SUN1: variants seen among roughly 807,000 people sequenced by gnomAD.
SUN1 encodes the protein Sad1 and UNC84 domain containing 1, also known as SUN domain-containing protein 1.
A neutral mutation model predicts 103.2 loss-of-function variants in SUN1; 61 were observed. The ratio of observed to expected loss-of-function variants is 0.59; its 90% CI spans 0.48 to 0.73. SUN1 has a LOEUF of 0.73. SUN1 is among the 30% of genes least tolerant of loss of function. SUN1 has a pLI of 0.00. For synonymous variants in SUN1, 490 were observed against 425.7 expected, an observed-to-expected ratio of 1.15 and a Z score of -1.86; for missense variants, 1,052 against 1,034.6, an observed-to-expected ratio of 1.02 and a Z score of -0.23.
chr7:869,066 C>T (rs1839528118), intron 16 of SUN1: 1 of 415,906 alleles, frequency 2.4e-6, no homozygotes, highest in Non-Finnish European at 4.4e-6. Flanking sequence ...GACCAAGGAC[C>T]ATTGACCTTC....
At chr7:864,775 C>T (rs1050491920) in intron 15 of SUN1, among the ~76,000 whole-genome samples, 10 of 89,812 alleles carry the variant, frequency 1.1e-4, no homozygotes, top group South Asian at 4.2e-4. Context: ...ACTACAGGGG[C>T]GCGTCACCAC....
intron 15 of SUN1, 40 bp downstream of exon 15, chr7:861,504 A>G (rs753234183): frequency 6.2e-7 from 1 of 1,606,724 alleles, no homozygotes; most frequent in East Asian, 2.2e-5. Context: ...TTAGATGATC[A>G]CCTGTTAGCA....
At chr7:835,582 G>GT (rs1802268204) in intron 1 of SUN1, among the ~76,000 whole-genome samples, 1 of 152,090 alleles carries the variant, frequency 6.6e-6, no homozygotes, top group African/African-American at 2.4e-5. Flanking sequence ...TTGTCAACTG[G>GT]TAGTTAAGTC....
In SUN1 at chr7:842,137, C is replaced by T. The variant is rs764595368; in HGVS notation, c.451+7C>T. 27 of 1,606,538 alleles carry T rather than the reference C, an allele frequency of 1.7e-5. No individual in the cohort carries two copies. The highest frequency in any genetic ancestry group is 3.3e-4 in the Middle Eastern group (2 of 6,064). The stretch of plus-strand genomic sequence containing the variant: ...ACAGTGGACCACTTCTGGGGTGAGT[C>T]CCTGCGAGACACAGATTGTCCCGCC... On this transcript the variant is annotated splice_region_variant and intron_variant, in intron 3 of 18. Transcript: ENST00000401592.
intron 17 of SUN1, among the ~76,000 whole-genome samples, chr7:871,468 A>G (rs1190001725): frequency 2.6e-5 from 4 of 152,010 alleles, no homozygotes; most frequent in Non-Finnish European, 5.9e-5. Flanking sequence ...GTTCACTGCA[A>G]TGTCCGCCTC....
intron 13 of SUN1, among the ~76,000 whole-genome samples, chr7:859,460 C>G (rs953497011): frequency 6.6e-6 from 1 of 152,162 alleles, no homozygotes; most frequent in Non-Finnish European, 1.5e-5. Flanking sequence ...ACAGAGGCCA[C>G]ACAGGCAGGA....
intron 3 of SUN1, chr7:842,684 G>C (rs529677606): frequency 5.2e-6 from 1 of 191,136 alleles, no homozygotes; most frequent in African/African-American, 2.4e-5. Flanking sequence ...GCATGGAGAG[G>C]GAAGCATGGT....
At chr7:842,374 G>A (rs1584559629) in intron 3 of SUN1, 12 of 532,180 alleles carry the variant, frequency 2.3e-5, no homozygotes, top group South Asian at 5.0e-5. Context: ...GCGCCTTGTC[G>A]GGTGGTCATT....
At chr7:839,118 C>A in intron 2 of SUN1, 132 bp downstream of exon 2, 3 of 862,052 alleles carry the variant, frequency 3.5e-6, no homozygotes, top group Non-Finnish European at 4.9e-6. Flanking sequence ...CGTGTACAGA[C>A]ACACAAACCT....
At chr7:855,190 G>A (rs1279449348) in intron 11 of SUN1, among the ~76,000 whole-genome samples, 184 bp downstream of exon 11, 2 of 152,148 alleles carry the variant, frequency 1.3e-5, no homozygotes, top group African/African-American at 4.8e-5. Context: ...ACATTGAATC[G>A]GGTGTGTAAC....
intron 12 of SUN1, among the ~76,000 whole-genome samples, chr7:856,953 T>A (rs1206381746): frequency 6.6e-6 from 1 of 152,124 alleles, no homozygotes; most frequent in African/African-American, 2.4e-5. Context: ...GCCCTTGGAA[T>A]CCATGGCACA....
intron 5 of SUN1, chr7:848,561 G>C (rs1245847733): frequency 4.4e-6 from 6 of 1,355,738 alleles, no homozygotes; most frequent in Non-Finnish European, 5.9e-6. Flanking sequence ...GAAAACTCAT[G>C]AATCAAAAGA....
At chr7:854,196 T>C (rs913269122) in intron 10 of SUN1, among the ~76,000 whole-genome samples, 2 of 152,252 alleles carry the variant, frequency 1.3e-5, no homozygotes, top group African/African-American at 4.8e-5. Flanking sequence ...GAGCTCACTT[T>C]AGCACGGATT....
At chr7:870,538 A>G (rs1840754542) in intron 17 of SUN1, among the ~76,000 whole-genome samples, 1 of 152,070 alleles carries the variant, frequency 6.6e-6, no homozygotes, top group African/African-American at 2.4e-5. Flanking sequence ...GTGAGCCAAG[A>G]TTGAGCCCCT....
At chr7:849,555 G>C (rs377528034) in intron 5 of SUN1, 12 of 1,403,274 alleles carry the variant, frequency 8.6e-6, no homozygotes, top group Non-Finnish European at 1.1e-5. Flanking sequence ...GAATGTGAGA[G>C]AGGTTCTCAG....
At position 858,093 on chromosome 7, in the gene SUN1, C is replaced by T. The variant is rs1308722629; in HGVS notation, c.1524+136C>T. The T allele has an allele frequency of 5.4e-6, 6 of 1,116,442 alleles. No homozygotes were observed. The Admixed American group carries it at 2.0e-4, about 36-fold the overall frequency. The allele number at this position is 1,116,442 out of a possible 1,614,324, so 69.2% of individuals were successfully genotyped here. On this transcript the variant is annotated intron_variant, in intron 13 of 18. Transcript: ENST00000401592. ...TGAAACCGAGTCTTGCTGTGGCACG[C>T]AGGCTAGACTGCAGTGGCGCGATCT... is the stretch of plus-strand genomic sequence containing the variant.
At chr7:816,056 T>TCTCCCCAAGATGCGGACGCC (rs1322176136), upstream of SUN1, 3,278 of 66,090 alleles carry the variant, frequency 0.05, 162 homozygotes, top group African/African-American at 0.2. Context: ...GATCCAAACC[T>TCTCCCCAAGATGCGGACGCC]CTCCCCAAGA....
intron 2 of SUN1, among the ~76,000 whole-genome samples, chr7:840,706 A>G (rs1808783082): frequency 6.7e-6 from 1 of 149,160 alleles, no homozygotes; most frequent in Non-Finnish European, 1.5e-5. Context: ...CAGTGGTGCA[A>G]TCTCGACTCA....
At chr7:867,310 T>C (rs945548079) in intron 16 of SUN1, among the ~76,000 whole-genome samples, 7 of 152,258 alleles carry the variant, frequency 4.6e-5, no homozygotes, top group African/African-American at 1.7e-4. Context: ...GGCATGCGGC[T>C]GCTTTTTCTG....
Sources: gnomAD v4.1 joint callset for allele counts (sites outside exome capture counted in the v4.1 genomes callset) on GRCh38, gnomAD v4.1.1 for gene constraint, MANE v1.5 for transcripts, NCBI Gene and HGNC (gene_info 2026-07-23, HGNC 2026-07-21) for gene names.